Variants in PDSS2 observed in about 807,000 individuals in gnomAD.
PDSS2 encodes the protein all trans-polyprenyl-diphosphate synthase PDSS2.
A neutral mutation model predicts 44.5 loss-of-function variants in PDSS2; 31 were observed. The observed-to-expected ratio is 0.70, with a 90% CI of 0.52 to 0.94. PDSS2 has a LOEUF of 0.94. Ranked by LOEUF, PDSS2 falls within the 40% of genes least tolerant of loss-of-function variation. PDSS2 has a pLI of 0.00. For synonymous variants in PDSS2, 157 were observed against 180.3 expected (o/e 0.87, Z 1.03); for missense variants, 452 against 482.2 (o/e 0.94, Z 0.59).
intron 7 of PDSS2, among the ~76,000 whole-genome samples, chr6:107,185,576 T>TA (rs1225217933): frequency 1.3e-5 from 2 of 152,244 alleles, no homozygotes; most frequent in African/African-American, 2.4e-5. Context: ...AGCAGTAGGC[T>TA]AAACTACAGG....
At chr6:107,410,258 A>C (rs1301352678) in intron 1 of PDSS2, among the ~76,000 whole-genome samples, 9 of 152,170 alleles carry the variant, frequency 5.9e-5, no homozygotes, top group Non-Finnish European at 1.5e-5. Flanking sequence ...AAAGAACGTA[A>C]AAGAAGAAGG....
At chr6:107,190,859 G>A (rs1236970938) in intron 7 of PDSS2, among the ~76,000 whole-genome samples, 1 of 152,140 alleles carries the variant, frequency 6.6e-6, no homozygotes, top group Non-Finnish European at 1.5e-5. Context: ...AACCCAGCAA[G>A]CTCCGAATGT....
At chr6:107,271,087 C>G (rs539769088) in intron 3 of PDSS2, among the ~76,000 whole-genome samples, 4 of 152,160 alleles carry the variant, frequency 2.6e-5, no homozygotes, top group Admixed American at 2.0e-4. Context: ...TGCATATATA[C>G]CTTCTGCAAC....
At chr6:107,457,993 A>G (rs938268636) in intron 1 of PDSS2, among the ~76,000 whole-genome samples, 11 of 152,108 alleles carry the variant, frequency 7.2e-5, no homozygotes, top group Non-Finnish European at 1.5e-5. Context: ...ATATAGAAAG[A>G]TATATACACG....
intron 1 of PDSS2, among the ~76,000 whole-genome samples, chr6:107,402,837 TCTCCCCACCAGGTCC>T (rs1780191118): frequency 6.6e-6 from 1 of 151,968 alleles, no homozygotes; most frequent in South Asian, 2.1e-4. Flanking sequence ...GATTCAATTA[TCTCCCCACCAGGTCC>T]CTCCCACATT....
intron 1 of PDSS2, among the ~76,000 whole-genome samples, chr6:107,371,301 A>G (rs1779122467): frequency 6.6e-6 from 1 of 152,234 alleles, no homozygotes; most frequent in Non-Finnish European, 1.5e-5. Flanking sequence ...AACTCAAAGA[A>G]GTGGACAAAC....
At chr6:107,368,134 T>C (rs1193012802) in intron 1 of PDSS2, among the ~76,000 whole-genome samples, 2 of 151,846 alleles carry the variant, frequency 1.3e-5, no homozygotes, top group South Asian at 4.2e-4. Flanking sequence ...CTGGGTGTAG[T>C]GGTTTGCGCC....
At chr6:107,402,295 A>C (rs1780132203) in intron 1 of PDSS2, among the ~76,000 whole-genome samples, 2 of 149,820 alleles carry the variant, frequency 1.3e-5, no homozygotes, top group African/African-American at 2.5e-5. Flanking sequence ...AAAACAAACC[A>C]ACAAACAAAC....
At chr6:107,332,176 C>T (rs1198229920) in intron 2 of PDSS2, among the ~76,000 whole-genome samples, 1 of 150,740 alleles carries the variant, frequency 6.6e-6, no homozygotes, top group African/African-American at 2.4e-5. Flanking sequence ...GCAATCTTAG[C>T]TCACTGCAAC....
At chr6:107,443,241 C>T (rs1380145178) in intron 1 of PDSS2, among the ~76,000 whole-genome samples, 1 of 152,184 alleles carries the variant, frequency 6.6e-6, no homozygotes, top group Non-Finnish European at 1.5e-5. Flanking sequence ...CCACCACAGC[C>T]GCCAAAGTCA....
At chr6:107,384,065 C>T (rs1438840769) in intron 1 of PDSS2, among the ~76,000 whole-genome samples, 1 of 152,142 alleles carries the variant, frequency 6.6e-6, no homozygotes, top group Non-Finnish European at 1.5e-5. Flanking sequence ...TATATTCATA[C>T]ACTAGAATAT....
chr6:107,200,306 T>C (rs1303658231), intron 6 of PDSS2, among the ~76,000 whole-genome samples: 1 of 152,216 alleles, frequency 6.6e-6, no homozygotes. Flanking sequence ...GAATAATTTT[T>C]ACATTTTTGT....
Position 107,173,572 on chromosome 6 carries a change from C to CAAAAAAAA in PDSS2, c.1042-18803_1042-18796dup, listed in dbSNP as rs71012783. Among the ~76,000 whole-genome samples the CAAAAAAAA allele has an allele frequency of 2.4e-4, 10 of 41,502 alleles. 1 individual carries two copies. The highest frequency in any genetic ancestry group is 8.8e-4 in the African/African-American group (7 of 7,972). 27.2% of individuals were successfully genotyped at this position (41,502 alleles called of 152,430 possible). ...CTGGTGATGGAATGAGACTCTGTCTCAAAAAAAAAAAAAAAAAAAAAAAAA... is the reference window on the plus strand; with the variant it reads ...CTGGTGATGGAATGAGACTCTGTCTCAAAAAAAAAAAAAAAAAAAAAAAAAAAAAAAAA... On this transcript the variant is annotated intron_variant, in intron 7 of 7. Transcript: ENST00000369037.
intron 7 of PDSS2, among the ~76,000 whole-genome samples, chr6:107,162,392 C>T (rs1381665651): frequency 6.9e-6 from 1 of 145,148 alleles, no homozygotes; most frequent in African/African-American, 2.5e-5. Context: ...ACTTGGGAGA[C>T]TGAGGCAGGA....
chr6:107,257,527 ACT>A (rs1775063824), intron 3 of PDSS2, among the ~76,000 whole-genome samples: 1 of 152,110 alleles, frequency 6.6e-6, no homozygotes, highest in South Asian at 2.1e-4. Context: ...ACAGAGTGAG[ACT>A]CTGTCTCATT....
At chr6:107,384,019 T>C (rs1398021900) in intron 1 of PDSS2, among the ~76,000 whole-genome samples, 1 of 152,048 alleles carries the variant, frequency 6.6e-6, no homozygotes, top group Non-Finnish European at 1.5e-5. Flanking sequence ...AACCCAAATA[T>C]CCATTAGCTA....
At chr6:107,197,513 A>C (rs1772609357) in intron 6 of PDSS2, among the ~76,000 whole-genome samples, 1 of 151,788 alleles carries the variant, frequency 6.6e-6, no homozygotes, top group Non-Finnish European at 1.5e-5. Context: ...GAAGTGTCAA[A>C]ATAGAAGTAA....
chr6:107,225,156 T>TAC, intron 4 of PDSS2, among the ~76,000 whole-genome samples: 1 of 53,036 alleles, frequency 1.9e-5, no homozygotes, highest in Non-Finnish European at 3.2e-5. Context: ...TATATATATA[T>TAC]ATATATTTTT....
chr6:107,410,469 C>T (rs544100947), intron 1 of PDSS2, among the ~76,000 whole-genome samples: 15 of 91,294 alleles, frequency 1.6e-4, no homozygotes, highest in Admixed American at 8.0e-4. Flanking sequence ...CTGTCCTCTA[C>T]GCTGTTTTTT....
Sources: gnomAD v4.1 joint callset for allele counts (sites outside exome capture counted in the v4.1 genomes callset) on GRCh38, gnomAD v4.1.1 for gene constraint, MANE v1.5 for transcripts, NCBI Gene and HGNC (gene_info 2026-07-23, HGNC 2026-07-21) for gene names.